OBP2B: variants seen among roughly 807,000 people sequenced by gnomAD.
OBP2B encodes the protein odorant-binding protein 2b.
Under a neutral mutation model 21.7 loss-of-function variants are expected in OBP2B, and 10 were observed. That is an observed-to-expected ratio of 0.46 (90% CI 0.28 to 0.78). The LOEUF (loss-of-function observed/expected upper bound fraction) is 0.78. Ranked by LOEUF, OBP2B falls within the 30% of genes least tolerant of loss-of-function variation. The probability of loss-of-function intolerance (pLI) is 0.11; values close to 1 mark genes in which losing one functional copy is unlikely to be tolerated. For missense variants in OBP2B, 153 were observed against 217.7 expected (o/e 0.70, Z 1.87); for synonymous variants, 73 against 91.5 (o/e 0.80, Z 1.16).
chr9:133,217,229 G>A, the OBP2B span, among the ~76,000 whole-genome samples: 1 of 152,182 alleles, frequency 6.6e-6, no homozygotes, highest in African/African-American at 2.4e-5. Flanking sequence ...CAAATGTCCT[G>A]TGCTCGGGGG....
chr9:133,208,413 G>T, intron 2 of OBP2B, 56 bp downstream of exon 2: 2 of 1,594,992 alleles, frequency 1.3e-6, no homozygotes, highest in Non-Finnish European at 1.7e-6. Context: ...GCACCAGGTG[G>T]ATCTGGGGAG....
At chr9:133,207,151 G>A (rs1376927065) in intron 4 of OBP2B, 75 bp downstream of exon 4, 6 of 1,024,516 alleles carry the variant, frequency 5.9e-6, no homozygotes, top group South Asian at 1.3e-5. Flanking sequence ...GCCAGGGCAT[G>A]GTGGTGCTGG....
chr9:133,205,519 G>A, intron 6 of OBP2B, 108 bp from the exon 7 acceptor site: 1 of 756,934 alleles, frequency 1.3e-6, no homozygotes, highest in Non-Finnish European at 2.1e-6. Context: ...CCACTGCTGG[G>A]CAACCTCGGG....
At chr9:133,207,796 T>C (rs118152780) in intron 3 of OBP2B, 17,013 of 1,231,322 alleles carry the variant, frequency 0.014, 180 homozygotes, top group Middle Eastern at 0.024. Flanking sequence ...TTCCCCATCC[T>C]TAACCCTCAG....
chr9:133,213,495 A>G (rs1833941032), upstream of OBP2B, among the ~76,000 whole-genome samples: 1 of 152,192 alleles, frequency 6.6e-6, no homozygotes, highest in Non-Finnish European at 1.5e-5. Context: ...GAGAAAAACA[A>G]TGAAACAAGG....
At chr9:133,211,024 G>A (rs554469849), upstream of OBP2B, among the ~76,000 whole-genome samples, 49 of 152,238 alleles carry the variant, frequency 3.2e-4, no homozygotes, top group Non-Finnish European at 5.6e-4. Context: ...CTTCCCTCAC[G>A]ACCCTTTTCT....
intron 4 of OBP2B, 133 bp downstream of exon 4, chr9:133,207,093 G>A (rs1384923010): frequency 1.4e-5 from 9 of 664,188 alleles, no homozygotes; most frequent in Admixed American, 5.0e-5. Context: ...GCTGCCCAGC[G>A]GTGCCCGGCA....
Position 133,208,324 on chromosome 9 carries a change from G to C in OBP2B, c.207-121C>G, listed in dbSNP as rs1833811739. 1.2e-5 allele frequency: 19 copies of C among 1,599,244 alleles called. No individual in the cohort carries two copies. In the South Asian group the frequency reaches 1.9e-4, roughly 16 times the overall value. ...ATTCCACTGCCCCCCACCCCACCGA[G>C]CTTCAGGATGCCCAGGCTGTTTCCC... On this transcript the variant is annotated intron_variant, in intron 2 of 6. Coordinates refer to ENST00000372034, the MANE Select transcript of OBP2B (RefSeq NM_014581.4).
chr9:133,221,478 G>C, the OBP2B span, among the ~76,000 whole-genome samples: 1 of 152,218 alleles, frequency 6.6e-6, no homozygotes, highest in Admixed American at 6.5e-5. Context: ...TAAATTGTTT[G>C]CTGTGGTTGC....
intron 2 of OBP2B, 89 bp from the exon 3 acceptor site, chr9:133,208,292 C>T (rs1217826468): frequency 6.2e-7 from 1 of 1,604,436 alleles, no homozygotes; most frequent in African/African-American, 1.3e-5. Flanking sequence ...GACCCGGCAA[C>T]CTGAAAATTC....
At chr9:133,205,976 C>T (rs543966878) in intron 5 of OBP2B, 36 bp from the exon 6 acceptor site, 23 of 1,612,894 alleles carry the variant, frequency 1.4e-5, no homozygotes, top group Admixed American at 1.7e-5. Context: ...GATTAGAAGG[C>T]GCCCTAGACC....
chr9:133,217,121 C>A, the OBP2B span, among the ~76,000 whole-genome samples: 1 of 152,162 alleles, frequency 6.6e-6, no homozygotes, highest in African/African-American at 2.4e-5. Flanking sequence ...ATCAAAATAA[C>A]AATGACTGAA....
Position 133,206,415 on chromosome 9 carries a change from A to G in OBP2B, c.390T>C (p.Gly130=), listed in dbSNP as rs782053487. 7 of 1,613,608 alleles carry G rather than the reference A, an allele frequency of 4.3e-6. No homozygotes were observed. Among genetic ancestry groups the G allele is most frequent in the South Asian group, 1.1e-5 (1 of 91,050 alleles). The change falls in exon 5 of 7, where the codon GGT becomes GGC. Residue 130 remains glycine, a splice_region_variant and synonymous_variant. Transcript: ENST00000372034. ...GGLLHMGKLV[G]RNSDTNREAL... ...CCTCCCGGTTGGTATCAGAATTCCT[A>G]CCTGCAGGTGAGGTGGCCAGGTGAG...
At chr9:133,214,839 A>C in the OBP2B span, among the ~76,000 whole-genome samples, 1 of 152,252 alleles carries the variant, frequency 6.6e-6, no homozygotes, top group African/African-American at 2.4e-5. Context: ...TCTCCTTAAC[A>C]TCAGGGACAA....
chr9:133,222,928 C>A, the OBP2B span, among the ~76,000 whole-genome samples: 1 of 151,962 alleles, frequency 6.6e-6, no homozygotes, highest in Admixed American at 6.6e-5. Flanking sequence ...CCTCCCGCAC[C>A]CCCAACCACT....
upstream of OBP2B, among the ~76,000 whole-genome samples, chr9:133,210,372 C>G (rs1284211227): frequency 6.6e-6 from 1 of 152,154 alleles, no homozygotes; most frequent in African/African-American, 2.4e-5. Context: ...CTAATAAACC[C>G]TGGGGCTGTA....
At chr9:133,214,564 T>C in the OBP2B span, among the ~76,000 whole-genome samples, 1 of 152,192 alleles carries the variant, frequency 6.6e-6, no homozygotes, top group African/African-American at 2.4e-5. Flanking sequence ...GTCATCCTGA[T>C]TTCAGCCGGG....
At chr9:133,219,148 A>G in the OBP2B span, among the ~76,000 whole-genome samples, 202 of 152,376 alleles carry the variant, frequency 1.3e-3, 1 homozygote, top group African/African-American at 4.4e-3. Context: ...AAAGACCTCA[A>G]CGTAAGAGCT....
At chr9:133,212,896 C>T (rs1399039793), upstream of OBP2B, among the ~76,000 whole-genome samples, 1 of 151,924 alleles carries the variant, frequency 6.6e-6, no homozygotes, top group Non-Finnish European at 1.5e-5. Flanking sequence ...CCACTGCACT[C>T]CAGCCTGGGT....
Sources: allele counts gnomAD v4.1 joint callset (sites outside exome capture counted in the v4.1 genomes callset), GRCh38; gene constraint gnomAD v4.1.1; transcripts MANE v1.5; gene names NCBI Gene and HGNC (gene_info 2026-07-23, HGNC 2026-07-21).